Variants in ODF2 observed in about 807,000 individuals in gnomAD.
ODF2 encodes the protein outer dense fiber of sperm tails 2, also known as outer dense fiber protein 2.
ODF2 carries 47 observed loss-of-function variants against 110.2 expected under a neutral mutation model. The observed-to-expected ratio is 0.43, with a 90% CI of 0.34 to 0.54. The LOEUF is 0.54. ODF2 is among the 20% of genes least tolerant of loss of function. The pLI is 0.03. For missense variants in ODF2, 812 were observed against 1,054.5 expected, an observed-to-expected ratio of 0.77 and a Z score of 3.19; for synonymous variants, 352 against 397.7, an observed-to-expected ratio of 0.89 and a Z score of 1.37.
intron 9 of ODF2, 147 bp from the exon 10 acceptor site, chr9:128,482,669 A>G: frequency 1.8e-6 from 1 of 545,442 alleles, no homozygotes; most frequent in Non-Finnish European, 3.3e-6. Flanking sequence ...TGCATATGTT[A>G]GGTGCTTCCT....
At chr9:128,466,292 C>T (rs1260374653) in intron 4 of ODF2, among the ~76,000 whole-genome samples, 1 of 151,882 alleles carries the variant, frequency 6.6e-6, no homozygotes, top group Non-Finnish European at 1.5e-5. Flanking sequence ...GTGACGAAAC[C>T]GTATCTCTAC....
upstream of ODF2, among the ~76,000 whole-genome samples, chr9:128,455,553 C>CAAAA (rs55634490): frequency 8.8e-5 from 5 of 56,844 alleles, 1 homozygote; most frequent in East Asian, 5.5e-4. Context: ...GAATCTGTCT[C>CAAAA]AAAAAAAAAA....
chr9:128,463,933 C>T (rs1002314888), intron 4 of ODF2, among the ~76,000 whole-genome samples: 10 of 151,582 alleles, frequency 6.6e-5, no homozygotes, highest in African/African-American at 2.4e-4. Context: ...CAACCTCCAC[C>T]TCCTGGGTAC....
chr9:128,456,709 A>T (rs1331893765), intron 1 of ODF2: 1 of 1,368,534 alleles, frequency 7.3e-7, no homozygotes, highest in Non-Finnish European at 9.4e-7. Context: ...CTCCGTAGGC[A>T]GCGCTGTCCC....
At chr9:128,478,523 G>T (rs1196874743) in intron 8 of ODF2, among the ~76,000 whole-genome samples, 1 of 151,620 alleles carries the variant, frequency 6.6e-6, no homozygotes, top group African/African-American at 2.4e-5. Flanking sequence ...GCTTGAACCC[G>T]GGAGGCAGAG....
intron 4 of ODF2, among the ~76,000 whole-genome samples, chr9:128,468,188 C>A (rs1478975660): frequency 6.6e-6 from 1 of 152,012 alleles, no homozygotes; most frequent in Non-Finnish European, 1.5e-5. Flanking sequence ...TCTACAATAC[C>A]TTTTCAGCAG....
rs1419451533 is a variant in ODF2, at chr9:128,485,712, G to A, written c.1400+238G>A. ...TACTGTCAGGCACTGGCTAGGGGCC[G>A]GGTCTTTCTGGTCAGAGGTGTGGGT... is the stretch of plus-strand genomic sequence containing the variant. On this transcript the variant is annotated intron_variant, in intron 13 of 20. Transcript: ENST00000604420. This position sits in a 1 kb window ranked among gnomAD's most constrained non-coding sequence, Gnocchi z 5.0. 1.3e-5 allele frequency among the ~76,000 whole-genome samples: 2 copies of A among 152,146 alleles called. No homozygotes were observed. Among genetic ancestry groups the A allele is most frequent in the Non-Finnish European group, 2.9e-5 (2 of 68,016 alleles).
intron 14 of ODF2, 87 bp downstream of exon 14, chr9:128,488,112 C>T: frequency 1.3e-6 from 2 of 1,485,238 alleles, no homozygotes; most frequent in East Asian, 2.3e-5. Flanking sequence ...CTGGGGGCAT[C>T]TTGACTAAGA....
At chr9:128,460,387 C>T in intron 3 of ODF2, 163 bp from the exon 3 acceptor site, 2 of 1,421,444 alleles carry the variant, frequency 1.4e-6, no homozygotes, top group Non-Finnish European at 1.9e-6. Flanking sequence ...CTGAATGATA[C>T]TCCCGCCTTA....
At chr9:128,456,768 T>TCCCC in intron 1 of ODF2, 1 of 832,100 alleles carries the variant, frequency 1.2e-6, no homozygotes, top group Non-Finnish European at 1.4e-6. Context: ...CGGGGGGGGG[T>TCCCC]CCCGCCCGCC....
In ODF2 at chr9:128,485,439, G is replaced by A. The variant is rs774866664; in HGVS notation, c.1365G>A (p.Lys455=). 6.2e-7 allele frequency: 1 copy of A among 1,606,986 alleles called. No homozygotes were observed. The change falls in exon 13 of 21, where the codon AAG becomes AAA. Residue 455 remains lysine, a synonymous_variant. Coordinates refer to ENST00000604420, the Ensembl canonical transcript of ODF2. The surrounding 1 kb of genome is among the most constrained non-coding windows in gnomAD (Gnocchi z 5.0). Reference sequence around the variant, plus strand: ...GCTACAACCAAGTTGTAAAAGAAAAGGGAGACCTTGAGCTGGAAATTATTG... The same window carrying A: ...GCTACAACCAAGTTGTAAAAGAAAAAGGAGACCTTGAGCTGGAAATTATTG...
intron 4 of ODF2, among the ~76,000 whole-genome samples, chr9:128,466,399 A>T (rs558575645): frequency 1.3e-5 from 2 of 151,616 alleles, no homozygotes; most frequent in Admixed American, 1.3e-4. Flanking sequence ...CCTGGGAGGC[A>T]GAGGTTGCAG....
chr9:128,471,271 TCCCTTCAGTGGC>T (rs758078389), intron 5 of ODF2, 25 bp from the exon 6 acceptor site: 6 of 1,575,316 alleles, frequency 3.8e-6, no homozygotes, highest in Non-Finnish European at 5.2e-6. Flanking sequence ...AGGAAGGACC[TCCCTTCAGTGGC>T]CCCTGCCTGG....
At chr9:128,483,353 C>T (rs1303488632) in intron 10 of ODF2, among the ~76,000 whole-genome samples, 2 of 151,702 alleles carry the variant, frequency 1.3e-5, no homozygotes, top group Admixed American at 6.6e-5. Flanking sequence ...CAGGAGGACT[C>T]ATTGAGGCCA....
intron 8 of ODF2, among the ~76,000 whole-genome samples, chr9:128,474,974 A>AT (rs1176932923): frequency 6.6e-6 from 1 of 152,136 alleles, no homozygotes; most frequent in Non-Finnish European, 1.5e-5. Context: ...GAAAAAAAAA[A>AT]AAAGTTGTCT....
chr9:128,473,793 T>C (rs758980843), intron 8 of ODF2, 52 bp downstream of exon 8: 24 of 1,521,350 alleles, frequency 1.6e-5, no homozygotes, highest in Non-Finnish European at 2.0e-5. Flanking sequence ...CCATCCTCTC[T>C]GAGCCTTTCT....
exon 3 of ODF2, chr9:128,459,597 G>T (rs180830112): frequency 1.2e-6 from 2 of 1,613,846 alleles, no homozygotes; most frequent in Non-Finnish European, 1.7e-6. Flanking sequence ...ACGGAGTAAC[G>T]AGTCTCACGC....
intron 1 of ODF2, chr9:128,456,511 T>A: frequency 6.6e-7 from 1 of 1,526,092 alleles, no homozygotes; most frequent in Non-Finnish European, 8.8e-7. Flanking sequence ...GCCCCTCCTC[T>A]GCCGCCCGCG....
chr9:128,468,849 A>C, intron 4 of ODF2: 1 of 234,934 alleles, frequency 4.3e-6, no homozygotes, highest in Non-Finnish European at 8.2e-6. Flanking sequence ...TTTTATAGAG[A>C]CAAGGTCTCG....
Sources: allele counts gnomAD v4.1 joint callset (sites outside exome capture counted in the v4.1 genomes callset), GRCh38; gene constraint gnomAD v4.1.1; non-coding constraint Gnocchi (gnomAD v3.1); transcripts MANE v1.5; gene names NCBI Gene and HGNC (gene_info 2026-07-23, HGNC 2026-07-21).